The following SHISA6 variants were observed in gnomAD, a reference collection of about 807,000 sequenced individuals.
SHISA6 encodes protein shisa-6.
A neutral mutation model predicts 47.9 loss-of-function variants in SHISA6; 22 were observed. The ratio of observed to expected loss-of-function variants is 0.46; its 90% CI spans 0.33 to 0.66. The LOEUF (loss-of-function observed/expected upper bound fraction) is 0.66. Ranked by LOEUF, SHISA6 falls within the 30% of genes least tolerant of loss-of-function variation. SHISA6 has a pLI of 0.02. For synonymous variants in SHISA6, 388 were observed against 337.8 expected, an observed-to-expected ratio of 1.15 and a Z score of -1.63; for missense variants, 680 against 764.6, an observed-to-expected ratio of 0.89 and a Z score of 1.30.
chr17:11,276,777 T>C lies in SHISA6; in HGVS notation c.799+13251T>C, dbSNP rs796732231. Reference sequence around the variant, plus strand: ...ACCATCATCACCATCATCATCATCATCATTTTTGAACCATGTGAGAACAAG... The same window carrying C: ...ACCATCATCACCATCATCATCATCACCATTTTTGAACCATGTGAGAACAAG... On this transcript the variant is annotated intron_variant, in intron 2 of 5. Coordinates refer to ENST00000441885, the MANE Select transcript of SHISA6 (RefSeq NM_207386.4). Among the ~76,000 whole-genome samples the C allele has an allele frequency of 2.6e-5, 4 of 152,170 alleles. No individual in the cohort carries two copies. The South Asian group carries it at 6.2e-4, about 24-fold the overall frequency.
chr17:11,557,975 G>A lies in SHISA6; in HGVS notation c.1327G>A (p.Asp443Asn), dbSNP rs1045705429. The A allele has an allele frequency of 9.9e-5, 153 of 1,551,354 alleles. No individual in the cohort carries two copies. Among genetic ancestry groups the A allele is most frequent in the Middle Eastern group, 1.7e-4 (1 of 6,014 alleles). The change falls in exon 6 of 6, where the codon GAC becomes AAC. Residue 443 changes from aspartate (D) to asparagine (N), a missense_variant. Physicochemically the swap from Asp to Asn is conservative, Grantham distance 23 (BLOSUM62 1). Transcript: ENST00000441885. ...CATGCCCTACGACCGCATCCTGTCCGACGAGCAGCTGCTCTCCACGGAGCG... is the reference window on the plus strand; with the variant it reads ...CATGCCCTACGACCGCATCCTGTCCAACGAGCAGCTGCTCTCCACGGAGCG... ...FSMPYDRILSDEQLLSTERLH... is the reference protein window; with the variant it reads ...FSMPYDRILSNEQLLSTERLH...
Position 11,557,848 on chromosome 17 carries a change from C to T in SHISA6, c.1200C>T (p.Ser400=). 1 of 1,551,386 alleles carries T rather than the reference C, an allele frequency of 6.4e-7. No individual in the cohort carries two copies. The highest frequency in any genetic ancestry group is 8.7e-7 in the Non-Finnish European group (1 of 1,146,992). The change falls in exon 6 of 6, where the codon TCC becomes TCT. Residue 400 remains serine (S), a synonymous_variant. Transcript: ENST00000441885. ...GTLPLNVIQM[S]QQKPLPRERP... is the part of the protein sequence containing the mutation. ...TCCCCCTCAATGTCATCCAGATGTC[C>T]CAACAGAAGCCGTTGCCAAGGGAAC...
At chr17:11,513,947 A>C (rs1373944587) in intron 3 of SHISA6, among the ~76,000 whole-genome samples, 1 of 152,246 alleles carries the variant, frequency 6.6e-6, no homozygotes, top group South Asian at 2.1e-4. Context: ...CTACAGAAGC[A>C]GCCCAACATC....
At chr17:11,301,722 T>C (rs1316691737) in intron 2 of SHISA6, among the ~76,000 whole-genome samples, 1 of 152,180 alleles carries the variant, frequency 6.6e-6, no homozygotes, top group East Asian at 1.9e-4. Context: ...CAAGTCAATG[T>C]CATGCCGGTA....
chr17:11,473,325 T>A (rs1269403290), intron 3 of SHISA6, among the ~76,000 whole-genome samples: 1 of 152,334 alleles, frequency 6.6e-6, no homozygotes, highest in Non-Finnish European at 1.5e-5. Flanking sequence ...GGGTTTTTTT[T>A]AATTAGTAAA....
intron 2 of SHISA6, among the ~76,000 whole-genome samples, chr17:11,337,470 C>G (rs1911365198): frequency 6.6e-6 from 1 of 152,172 alleles, no homozygotes; most frequent in African/African-American, 2.4e-5. Flanking sequence ...ACCTGAGACA[C>G]TTGATGTGGG....
In SHISA6 at chr17:11,403,494, G is replaced by T. The variant is rs189602903; in HGVS notation, c.895+23985G>T. ...TGCTGGCCCCATTATTGATGAGATG[G>T]GTTCTTGGGAGGGAGGTCGAAGACT... On this transcript the variant is annotated intron_variant, in intron 3 of 5. Coordinates refer to ENST00000441885, the MANE Select transcript of SHISA6 (RefSeq NM_207386.4). Among the ~76,000 whole-genome samples the T allele has an allele frequency of 1.1e-4, 17 of 152,292 alleles. No individual in the cohort carries two copies. In the East Asian group the frequency reaches 3.1e-3, roughly 28 times the overall value.
rs150228630 is a variant in SHISA6, at chr17:11,441,147, A to G, written c.895+61638A>G. The stretch of plus-strand genomic sequence containing the variant: ...TCCAGGCCCATCTCAAGCCCTTCTC[A>G]GTTCTTCTGCTGTCAGGAAGCCAGG... On this transcript the variant is annotated intron_variant, in intron 3 of 5. Coordinates refer to ENST00000441885, the MANE Select transcript of SHISA6 (RefSeq NM_207386.4). Among the ~76,000 whole-genome samples the G allele has an allele frequency of 3.7e-4, 57 of 152,304 alleles. No homozygotes were observed. In the East Asian group the frequency reaches 9.7e-3, roughly 26 times the overall value.
intron 1 of SHISA6, among the ~76,000 whole-genome samples, chr17:11,253,499 C>T (rs558693336): frequency 2.0e-5 from 3 of 152,176 alleles, no homozygotes; most frequent in South Asian, 4.2e-4. Context: ...AGTAGCTCTT[C>T]GAAGATCAAT....
intron 3 of SHISA6, among the ~76,000 whole-genome samples, chr17:11,481,785 C>T (rs1173930540): frequency 2.0e-5 from 3 of 152,010 alleles, no homozygotes; most frequent in African/African-American, 7.3e-5. Context: ...GCCACCACGC[C>T]TGGCCCCTGA....
chr17:11,522,657 A>C (rs868115014), intron 3 of SHISA6, among the ~76,000 whole-genome samples: 3 of 152,300 alleles, frequency 2.0e-5, no homozygotes, highest in Middle Eastern at 3.4e-3. Flanking sequence ...TATCAGTTAA[A>C]GGTTCTCTAT....
intron 3 of SHISA6, among the ~76,000 whole-genome samples, chr17:11,496,051 T>C (rs1222475624): frequency 6.6e-6 from 1 of 151,766 alleles, no homozygotes; most frequent in African/African-American, 2.4e-5. Flanking sequence ...AGATTAATGA[T>C]GGCCTACTCT....
At chr17:11,544,757 G>T (rs1196971652) in intron 3 of SHISA6, among the ~76,000 whole-genome samples, 1 of 151,974 alleles carries the variant, frequency 6.6e-6, no homozygotes, top group Non-Finnish European at 1.5e-5. Flanking sequence ...TCAGGAGATT[G>T]CGACCATCCT....
chr17:11,525,652 C>CAAAAAAAAAAAAAAAAAAAAAAAAAAAA (rs371530736), intron 3 of SHISA6, among the ~76,000 whole-genome samples: 1 of 104,278 alleles, frequency 9.6e-6, no homozygotes, highest in Non-Finnish European at 1.8e-5. Context: ...AAAAAAAAAA[C>CAAAAAAAAAAAAAAAAAAAAAAAAAAAA]AAAAAAAAAA....
intron 3 of SHISA6, among the ~76,000 whole-genome samples, 156 bp from the exon 4 acceptor site, chr17:11,551,740 G>A (rs141418231): frequency 3.7e-4 from 56 of 152,286 alleles, no homozygotes; most frequent in African/African-American, 1.3e-3. Context: ...AGCAGGGGAC[G>A]TTTCTTGGAG....
chr17:11,389,584 A>G (rs755582617), intron 3 of SHISA6, among the ~76,000 whole-genome samples: 2 of 152,064 alleles, frequency 1.3e-5, no homozygotes, highest in South Asian at 2.1e-4. Flanking sequence ...TTTCTTTACC[A>G]TCTCTTTGGG....
intron 3 of SHISA6, among the ~76,000 whole-genome samples, chr17:11,495,274 C>T (rs1423916257): frequency 6.6e-6 from 1 of 152,198 alleles, no homozygotes; most frequent in Non-Finnish European, 1.5e-5. Flanking sequence ...AAGCTGACTG[C>T]TCCACCTAGC....
At chr17:11,395,103 A>G (rs900447579) in intron 3 of SHISA6, among the ~76,000 whole-genome samples, 3 of 145,360 alleles carry the variant, frequency 2.1e-5, no homozygotes, top group African/African-American at 5.1e-5. Flanking sequence ...CTGGATTCAC[A>G]CGATGGCCCT....
chr17:11,300,965 G>T (rs537611485), intron 2 of SHISA6, among the ~76,000 whole-genome samples: 11 of 148,126 alleles, frequency 7.4e-5, no homozygotes, highest in African/African-American at 2.7e-4. Flanking sequence ...TGTTCACACA[G>T]AAGAGAAAAC....
Sources: allele counts gnomAD v4.1 joint callset (sites outside exome capture counted in the v4.1 genomes callset), GRCh38; gene constraint gnomAD v4.1.1; transcripts MANE v1.5; gene names NCBI Gene and HGNC (gene_info 2026-07-23, HGNC 2026-07-21).